The following CAST variants were observed in gnomAD, a reference collection of about 807,000 sequenced individuals.
CAST encodes MIR583 host.
CAST carries 76 observed loss-of-function variants against 119.6 expected under a neutral mutation model. The observed-to-expected ratio is 0.64, with a 90% CI of 0.53 to 0.77. The LOEUF (loss-of-function observed/expected upper bound fraction) is 0.77, where lower values mean the gene tolerates loss of function less well. Among genes scored for constraint, CAST ranks in the 30% least tolerant of loss-of-function variants. The pLI is 0.00. For missense variants in CAST, 953 were observed against 946.5 expected (o/e 1.01, Z -0.09); for synonymous variants, 319 against 331.6 (o/e 0.96, Z 0.41).
chr5:96,455,750 C>T, the CAST span, among the ~76,000 whole-genome samples: 1 of 152,328 alleles, frequency 6.6e-6, no homozygotes, highest in East Asian at 1.9e-4. Flanking sequence ...CTCCGTTGAG[C>T]AACTTAATTC....
rs181538894 is a variant in CAST at position 96,671,717 on chromosome 5, C to T, written c.76-3822C>T. Among the ~76,000 whole-genome samples the T allele has an allele frequency of 3.9e-5, 6 of 152,348 alleles. No individual in the cohort carries two copies. The East Asian group carries it at 1.2e-3, about 29-fold the overall frequency. ...TTAGTTTTGTGGTTCAGTTCTCTTT[C>T]CCCAGCTGTCAATCCTTCCCTGTTC... is the stretch of plus-strand genomic sequence containing the variant. On this transcript the variant is annotated intron_variant, in intron 1 of 31. Transcript: ENST00000675179.
the CAST span, among the ~76,000 whole-genome samples, chr5:95,987,889 C>T: frequency 1.3e-5 from 2 of 152,174 alleles, no homozygotes; most frequent in Non-Finnish European, 2.9e-5. Context: ...TGCTCAGCAG[C>T]CATATGTGAC....
chr5:96,487,851 G>T, the CAST span, among the ~76,000 whole-genome samples: 1 of 152,148 alleles, frequency 6.6e-6, no homozygotes, highest in African/African-American at 2.4e-5. Context: ...TCACGAAAGG[G>T]CACCAAACAC....
chr5:96,719,151 C>T (rs533897651), intron 3 of CAST, among the ~76,000 whole-genome samples: 2 of 152,278 alleles, frequency 1.3e-5, no homozygotes, highest in South Asian at 4.1e-4. Flanking sequence ...CCCCCTTCCT[C>T]TGCCCCTGCT....
the CAST span, among the ~76,000 whole-genome samples, chr5:96,299,560 C>T: frequency 6.6e-6 from 1 of 152,148 alleles, no homozygotes; most frequent in Non-Finnish European, 1.5e-5. Context: ...CCTCTTTCCT[C>T]CTCCACAGCA....
the CAST span, among the ~76,000 whole-genome samples, chr5:96,181,280 T>C: frequency 6.6e-6 from 1 of 152,186 alleles, no homozygotes; most frequent in African/African-American, 2.4e-5. Context: ...TATATCAGGA[T>C]TTTTCTCCCT....
chr5:96,547,564 C>T (rs1262119358), intron 1 of CAST, among the ~76,000 whole-genome samples: 1 of 152,218 alleles, frequency 6.6e-6, no homozygotes, highest in Non-Finnish European at 1.5e-5. Flanking sequence ...GATTCAAATG[C>T]TAATTTCTGG....
the CAST span, among the ~76,000 whole-genome samples, chr5:95,976,852 C>A: frequency 6.6e-6 from 1 of 152,132 alleles, no homozygotes; most frequent in African/African-American, 2.4e-5. Flanking sequence ...ATTCAGTTGG[C>A]AGATGTTTTT....
chr5:96,064,630 A>G, the CAST span, among the ~76,000 whole-genome samples: 2 of 152,154 alleles, frequency 1.3e-5, no homozygotes, highest in Non-Finnish European at 2.9e-5. Flanking sequence ...CTGTCCAGTT[A>G]TGAAACTTTT....
At chr5:96,725,526 A>C (rs1759098406) in intron 4 of CAST, among the ~76,000 whole-genome samples, 1 of 152,224 alleles carries the variant, frequency 6.6e-6, no homozygotes, top group Non-Finnish European at 1.5e-5. Context: ...CTTGTCTCAT[A>C]GGATTATTAT....
chr5:96,066,692 C>T, the CAST span, among the ~76,000 whole-genome samples: 1 of 151,926 alleles, frequency 6.6e-6, no homozygotes, highest in Non-Finnish European at 1.5e-5. Flanking sequence ...CAAGATCTAA[C>T]TCTATTGCCT....
chr5:96,358,264 A>AT, the CAST span, among the ~76,000 whole-genome samples: 1 of 151,986 alleles, frequency 6.6e-6, no homozygotes, highest in Non-Finnish European at 1.5e-5. Context: ...TATTTTGTTA[A>AT]TCTTTTCAAA....
chr5:96,344,671 A>G, the CAST span, among the ~76,000 whole-genome samples: 1 of 152,290 alleles, frequency 6.6e-6, no homozygotes, highest in Non-Finnish European at 1.5e-5. Context: ...TGTGGGGGAT[A>G]TGCTGGCTTA....
At chr5:96,690,160 G>A (rs896889533) in intron 2 of CAST, among the ~76,000 whole-genome samples, 2 of 152,214 alleles carry the variant, frequency 1.3e-5, no homozygotes, top group African/African-American at 4.8e-5. Context: ...ACTCACTGGA[G>A]TGTGCTCACC....
chr5:96,647,311 G>A (rs929711840), intron 1 of CAST, among the ~76,000 whole-genome samples: 1 of 152,156 alleles, frequency 6.6e-6, no homozygotes, highest in African/African-American at 2.4e-5. Context: ...AGGATGACTT[G>A]TTATTCAAAT....
At chr5:96,021,293 T>A in the CAST span, among the ~76,000 whole-genome samples, 5 of 152,098 alleles carry the variant, frequency 3.3e-5, no homozygotes, top group Non-Finnish European at 5.9e-5. Flanking sequence ...TTAATAGAAC[T>A]TTTTCACACA....
the CAST span, among the ~76,000 whole-genome samples, chr5:96,374,429 T>C: frequency 3.3e-4 from 50 of 152,144 alleles, no homozygotes; most frequent in Non-Finnish European, 5.9e-4. Context: ...GGAGGTGTAA[T>C]GGAAAGCATC....
chr5:96,510,357 C>A, the CAST span, among the ~76,000 whole-genome samples: 18 of 152,276 alleles, frequency 1.2e-4, no homozygotes, highest in Middle Eastern at 0.01. Flanking sequence ...ATACAATTCA[C>A]CCAGGAAAAT....
intron 1 of CAST, among the ~76,000 whole-genome samples, chr5:96,654,077 G>A (rs1303276906): frequency 6.9e-6 from 1 of 144,840 alleles, no homozygotes; most frequent in Non-Finnish European, 1.5e-5. Flanking sequence ...CAGCTGGAGT[G>A]CAGTGGTGCG....
Sources: gnomAD v4.1 joint callset for allele counts (sites outside exome capture counted in the v4.1 genomes callset) on GRCh38, gnomAD v4.1.1 for gene constraint, MANE v1.5 for transcripts, NCBI Gene and HGNC (gene_info 2026-07-23, HGNC 2026-07-21) for gene names.